The following RAB6B variants were observed in gnomAD, a reference collection of about 807,000 sequenced individuals.
RAB6B encodes RAB6B, member RAS oncogene family.
In RAB6B, 7 loss-of-function variants were observed where a neutral mutation model predicts 31.2. That is an observed-to-expected ratio of 0.22 (90% CI 0.13 to 0.42). RAB6B has a LOEUF of 0.42. Among genes scored for constraint, RAB6B ranks in the 10% least tolerant of loss-of-function variants. RAB6B has a pLI of 1.00. For synonymous variants in RAB6B, 105 were observed against 104.9 expected (o/e 1.00, Z -0.01); for missense variants, 149 against 280.6 (o/e 0.53, Z 3.35).
chr3:133,879,004 G>A (rs182830930), intron 1 of RAB6B, among the ~76,000 whole-genome samples: 2 of 152,252 alleles, frequency 1.3e-5, no homozygotes, highest in African/African-American at 4.8e-5. Flanking sequence ...AAGTCTGACC[G>A]ACCTGGGTTT....
At chr3:133,842,311 G>A (rs1197411226) in intron 2 of RAB6B, among the ~76,000 whole-genome samples, 2 of 152,256 alleles carry the variant, frequency 1.3e-5, no homozygotes, top group Non-Finnish European at 2.9e-5. Context: ...TGGCACCTGT[G>A]AGAGGCAGCC....
At chr3:133,831,677 G>A (rs1030987080) in intron 7 of RAB6B, among the ~76,000 whole-genome samples, 3 of 152,206 alleles carry the variant, frequency 2.0e-5, no homozygotes, top group African/African-American at 7.2e-5. Context: ...TGTCCCAGAA[G>A]GGGAAACTCA....
At chr3:133,876,887 C>G (rs1936404401) in intron 1 of RAB6B, among the ~76,000 whole-genome samples, 1 of 151,708 alleles carries the variant, frequency 6.6e-6, no homozygotes, top group Non-Finnish European at 1.5e-5. Flanking sequence ...TCCCTATAAA[C>G]AAATGAATAC....
intron 1 of RAB6B, among the ~76,000 whole-genome samples, chr3:133,891,187 G>GGT (rs1936633519): frequency 6.6e-6 from 1 of 152,138 alleles, no homozygotes; most frequent in Admixed American, 6.5e-5. Flanking sequence ...CAGGCAGTGG[G>GGT]GGCCACTGAA....
intron 1 of RAB6B, among the ~76,000 whole-genome samples, chr3:133,889,430 A>T (rs1225217580): frequency 2.5e-4 from 16 of 62,806 alleles, no homozygotes; most frequent in African/African-American, 5.2e-4. Flanking sequence ...ATATATATAT[A>T]TATATATATA....
intron 6 of RAB6B, among the ~76,000 whole-genome samples, chr3:133,837,559 A>T (rs2107989128): frequency 6.6e-6 from 1 of 152,306 alleles, no homozygotes; most frequent in East Asian, 1.9e-4. Context: ...CGGACGGGTC[A>T]GTGGTTAGTG....
Position 133,841,669 on chromosome 3 carries a change from A to G in RAB6B, c.130-6T>C, listed in dbSNP as rs774922605. Reference sequence around the variant, plus strand: ...AAGTCAATCCCAATGGTTGCCTGTTAGAGAAAAGCACAGAACGGTCAAAAT... The same window carrying G: ...AAGTCAATCCCAATGGTTGCCTGTTGGAGAAAAGCACAGAACGGTCAAAAT... On this transcript the variant is annotated splice_polypyrimidine_tract_variant and splice_region_variant and intron_variant, in intron 2 of 7. Transcript: ENST00000285208. The G allele has an allele frequency of 3.7e-6, 6 of 1,613,978 alleles. No homozygotes were observed. The highest frequency in any genetic ancestry group is 5.1e-6 in the Non-Finnish European group (6 of 1,179,946).
intron 6 of RAB6B, among the ~76,000 whole-genome samples, chr3:133,837,534 C>T (rs1214695654): frequency 6.6e-6 from 1 of 152,174 alleles, no homozygotes; most frequent in African/African-American, 2.4e-5. Flanking sequence ...ACAAATCAGA[C>T]GTCCTTCAGT....
intron 1 of RAB6B, among the ~76,000 whole-genome samples, chr3:133,874,240 G>C (rs186089917): frequency 1.1e-3 from 169 of 152,304 alleles, no homozygotes; most frequent in Non-Finnish European, 2.2e-3. Flanking sequence ...TAATGAGAGG[G>C]ATAAGTTCTG....
chr3:133,888,598 G>T (rs1936586745), intron 1 of RAB6B, among the ~76,000 whole-genome samples: 1 of 152,146 alleles, frequency 6.6e-6, no homozygotes, highest in Non-Finnish European at 1.5e-5. Flanking sequence ...GTTACCAAGA[G>T]ATCAGAATAA....
intron 7 of RAB6B, among the ~76,000 whole-genome samples, chr3:133,833,180 G>A (rs567278111): frequency 1.3e-5 from 2 of 152,268 alleles, no homozygotes; most frequent in East Asian, 3.9e-4. Context: ...GAACCTCAAA[G>A]GAGTCCCATG....
intron 2 of RAB6B, among the ~76,000 whole-genome samples, chr3:133,852,756 G>A (rs553355108): frequency 6.6e-6 from 1 of 152,318 alleles, no homozygotes; most frequent in East Asian, 1.9e-4. Flanking sequence ...TGGGATTACA[G>A]GCGTGAGTCA....
intron 2 of RAB6B, among the ~76,000 whole-genome samples, chr3:133,853,317 G>A (rs916927288): frequency 6.6e-6 from 1 of 152,146 alleles, no homozygotes; most frequent in Non-Finnish European, 1.5e-5. Flanking sequence ...AGAAGTATGT[G>A]TATGTGGGTA....
At chr3:133,887,746 G>A (rs1936569978) in intron 1 of RAB6B, among the ~76,000 whole-genome samples, 1 of 152,202 alleles carries the variant, frequency 6.6e-6, no homozygotes, top group Non-Finnish European at 1.5e-5. Context: ...CAAGCCAGAA[G>A]GGAGGATGTG....
rs543386119 is a variant in RAB6B, at chr3:133,839,492, G to C, written c.401+14C>G. 2 of 1,596,938 alleles carry C rather than the reference G, an allele frequency of 1.3e-6. No homozygotes were observed. Among genetic ancestry groups the C allele is most frequent in the African/African-American group, 2.7e-5 (2 of 74,578 alleles). ...GGAGGGTGGCACCCTGCACCTGTGT[G>C]CCCTTGCACCTACCTCTTATCAGCC... is the stretch of plus-strand genomic sequence containing the variant. On this transcript the variant is annotated intron_variant, in intron 5 of 7. Coordinates refer to ENST00000285208, the MANE Select transcript of RAB6B (RefSeq NM_016577.4).
intron 1 of RAB6B, among the ~76,000 whole-genome samples, chr3:133,889,251 G>C (rs976819643): frequency 4.0e-5 from 6 of 151,784 alleles, no homozygotes; most frequent in Non-Finnish European, 7.4e-5. Context: ...GCCTGGATGG[G>C]ATACAAATGT....
At position 133,834,652 on chromosome 3, in the gene RAB6B, G is replaced by C; in HGVS notation, c.496-11C>G. On this transcript the variant is annotated splice_polypyrimidine_tract_variant and intron_variant, in intron 6 of 7. Coordinates refer to ENST00000285208, the MANE Select transcript of RAB6B (RefSeq NM_016577.4). Reference sequence around the variant, plus strand: ...CACACGTCGAAAAAGCTGGAAAGATGAAGAAATGCAGTGTGAACCCCAACC... The same window carrying C: ...CACACGTCGAAAAAGCTGGAAAGATCAAGAAATGCAGTGTGAACCCCAACC... 6.2e-7 allele frequency: 1 copy of C among 1,613,746 alleles called. No individual in the cohort carries two copies. The highest frequency in any genetic ancestry group is 1.3e-5 in the African/African-American group (1 of 75,054).
chr3:133,885,329 G>C (rs1170155974), intron 1 of RAB6B, among the ~76,000 whole-genome samples: 1 of 149,538 alleles, frequency 6.7e-6, no homozygotes, highest in African/African-American at 2.5e-5. Context: ...CTAATGACCA[G>C]AGGACGGGGG....
At chr3:133,840,381 A>C (rs1935807427) in intron 4 of RAB6B, among the ~76,000 whole-genome samples, 1 of 152,186 alleles carries the variant, frequency 6.6e-6, no homozygotes, top group Non-Finnish European at 1.5e-5. Flanking sequence ...CAGAAGCCTC[A>C]GTTTCACACA....
Sources: gnomAD v4.1 joint callset for allele counts (sites outside exome capture counted in the v4.1 genomes callset) on GRCh38, gnomAD v4.1.1 for gene constraint, MANE v1.5 for transcripts, NCBI Gene and HGNC (gene_info 2026-07-23, HGNC 2026-07-21) for gene names.